Variants in BRCA1 observed in about 807,000 individuals in gnomAD.
The protein encoded by BRCA1 is BRCA1 DNA repair associated.
A neutral mutation model predicts 173.7 loss-of-function variants in BRCA1; 140 were observed. The ratio of observed to expected loss-of-function variants is 0.81; its 90% CI spans 0.70 to 0.93. BRCA1 has a LOEUF of 0.93. BRCA1 is among the 40% of genes least tolerant of loss of function. BRCA1 has a pLI of 0.00. For synonymous variants in BRCA1, 662 were observed against 756.0 expected (o/e 0.88, Z 2.04); for missense variants, 1,983 against 2,172.5 (o/e 0.91, Z 1.73).
At chr17:43,168,735 T>C (rs2154581789) in intron 1 of BRCA1, among the ~76,000 whole-genome samples, 1 of 152,360 alleles carries the variant, frequency 6.6e-6, no homozygotes, top group Admixed American at 6.5e-5. Flanking sequence ...CTTTTTGTAA[T>C]TAGACAATAT....
At chr17:43,102,156 C>T (rs1254340147) in intron 6 of BRCA1, among the ~76,000 whole-genome samples, 1 of 151,206 alleles carries the variant, frequency 6.6e-6, no homozygotes, top group Non-Finnish European at 1.5e-5. Context: ...CTGCAAGCTC[C>T]ACCTCCCGGG....
chr17:43,120,347 G>C (rs1342286401), intron 2 of BRCA1, among the ~76,000 whole-genome samples: 2 of 152,202 alleles, frequency 1.3e-5, no homozygotes, highest in African/African-American at 4.8e-5. Flanking sequence ...TTCCAGTCAT[G>C]ATCATTCCTG....
At chr17:43,098,573 A>G (rs1318372334) in intron 7 of BRCA1, among the ~76,000 whole-genome samples, 2 of 149,898 alleles carry the variant, frequency 1.3e-5, no homozygotes, top group African/African-American at 4.9e-5. Context: ...TCACCAGGTT[A>G]TCCAGGCTGG....
At position 43,093,554 on chromosome 17, in the gene BRCA1, T is replaced by C. The variant is rs764009120; in HGVS notation, c.1977A>G (p.Pro659=). 6.2e-7 allele frequency: 1 copy of C among 1,614,056 alleles called. No individual in the cohort carries two copies. The highest frequency in any genetic ancestry group is 8.5e-7 in the Non-Finnish European group (1 of 1,180,012). Residue 659 remains proline, a synonymous_variant, in exon 10 of 23, where the codon CCA becomes CCG. Coordinates refer to ENST00000357654, the MANE Select transcript of BRCA1 (RefSeq NM_007294.4). ...EIKKKKYNQM[P]VRHSRNLQLM... Reference sequence around the variant, plus strand: ...GTTGTAGGTTTCTGCTGTGCCTGACTGGCATTTGGTTGTACTTTTTTTTCT... The same window carrying C: ...GTTGTAGGTTTCTGCTGTGCCTGACCGGCATTTGGTTGTACTTTTTTTTCT...
chr17:43,074,751 C>T (rs1313274857), intron 13 of BRCA1, among the ~76,000 whole-genome samples: 1 of 152,006 alleles, frequency 6.6e-6, no homozygotes, highest in African/African-American at 2.4e-5. Flanking sequence ...CCATATCTCC[C>T]AGCTGTTTAA....
At chr17:43,100,569 TATAACATATATATA>T (rs2054350882) in intron 6 of BRCA1, among the ~76,000 whole-genome samples, 2 of 99,520 alleles carry the variant, frequency 2.0e-5, no homozygotes, top group African/African-American at 7.8e-5. Context: ...TATATATATA[TATAACATATATATA>T]ACATATATAT....
rs189623275 is a variant in BRCA1, at chr17:43,138,281, G to A, written c.-19-14166C>T. On this transcript the variant is annotated intron_variant, in intron 1 of 7. Coordinates refer to the BRCA1 transcript ENST00000634433. The stretch of plus-strand genomic sequence containing the variant: ...TCTCTGGCAGCCTTTTTCAATGAGA[G>A]CTATGTTTTCTCCGATACTATATGG... 6.5e-4 allele frequency: 155 copies of A among 237,656 alleles called. No individual in the cohort carries two copies. In the Middle Eastern group the frequency reaches 7.7e-3, roughly 12 times the overall value. 14.7% of individuals were successfully genotyped at this position (237,656 alleles called of 1,614,324 possible).
intron 12 of BRCA1, among the ~76,000 whole-genome samples, chr17:43,078,229 GC>G (rs1192089253): frequency 6.6e-6 from 1 of 151,992 alleles, no homozygotes; most frequent in African/African-American, 2.4e-5. Context: ...GATTATAGGT[GC>G]CCACCACCAC....
At chr17:43,127,037 G>A (rs36221749), upstream of BRCA1, among the ~76,000 whole-genome samples, 342 of 152,252 alleles carry the variant, frequency 2.2e-3, no homozygotes, top group Middle Eastern at 0.014. Context: ...AATTCTCACC[G>A]GGCCCCAGCC....
At chr17:43,139,359 T>G (rs2056056669) in intron 1 of BRCA1, among the ~76,000 whole-genome samples, 1 of 151,612 alleles carries the variant, frequency 6.6e-6, no homozygotes, top group African/African-American at 2.4e-5. Flanking sequence ...TAATACCCGA[T>G]AGTTTTTTTC....
At position 43,158,438 on chromosome 17, in the gene BRCA1, T is replaced by C. The variant is rs141654885; in HGVS notation, c.-20+11688A>G. Among the ~76,000 whole-genome samples the C allele has an allele frequency of 1.1e-4, 16 of 152,350 alleles. 1 individual carries two copies. The East Asian group carries it at 3.1e-3, about 29-fold the overall frequency. ...AGAGGATGGTTATTTATAAATCTTGTATCTCTCTGAAAACACAACTTGCAT... is the reference window on the plus strand; with the variant it reads ...AGAGGATGGTTATTTATAAATCTTGCATCTCTCTGAAAACACAACTTGCAT... On this transcript the variant is annotated intron_variant, in intron 1 of 7. Coordinates refer to the BRCA1 transcript ENST00000634433.
rs786203145 is a variant in BRCA1 at position 43,094,345 on chromosome 17, C to T, written c.1186G>A (p.Asp396Asn). ...FSRSDELLGSDDSHDGESESN... is the reference protein window; with the variant it reads ...FSRSDELLGSNDSHDGESESN... The stretch of plus-strand genomic sequence containing the variant: ...TCAGACTCCCCATCATGTGAGTCAT[C>T]AGAACCTAACAGTTCATCACTTCTG... The change falls in exon 10 of 23, where the codon GAT becomes AAT. Residue 396 changes from aspartate to asparagine, a missense_variant. Asp to Asn is a conservative substitution (Grantham distance 23). Transcript: ENST00000357654. The T allele has an allele frequency of 3.1e-6, 5 of 1,614,146 alleles. No homozygotes were observed. The highest frequency in any genetic ancestry group is 4.2e-6 in the Non-Finnish European group (5 of 1,180,004).
At chr17:43,116,866 C>T (rs2055320860) in intron 2 of BRCA1, among the ~76,000 whole-genome samples, 1 of 152,170 alleles carries the variant, frequency 6.6e-6, no homozygotes, top group East Asian at 1.9e-4. Context: ...TCTCCCTTGT[C>T]ATTTATTTTT....
At chr17:43,100,223 T>C (rs960972887) in intron 6 of BRCA1, among the ~76,000 whole-genome samples, 1 of 152,066 alleles carries the variant, frequency 6.6e-6, no homozygotes. Context: ...AATTTTTTTT[T>C]CTGTTGTCTT....
chr17:43,071,272 C>T (rs369549959), intron 14 of BRCA1, 34 bp from the exon 15 acceptor site: 28 of 1,599,444 alleles, frequency 1.8e-5, no homozygotes, highest in East Asian at 2.2e-5. Flanking sequence ...ATTTACACAA[C>T]GATGAATGTT....
chr17:43,125,617 G>T (rs1387876080), upstream of BRCA1: 2 of 294,600 alleles, frequency 6.8e-6, no homozygotes, highest in East Asian at 1.8e-4. Flanking sequence ...GCCATAAAGT[G>T]CCTGCCCTCT....
chr17:43,080,584 T>C (rs1179812006), intron 12 of BRCA1, among the ~76,000 whole-genome samples: 1 of 151,958 alleles, frequency 6.6e-6, no homozygotes, highest in African/African-American at 2.4e-5. Context: ...GTGAGAGGAC[T>C]GCTTGAGTCC....
At chr17:43,089,394 A>G (rs1455349350) in intron 11 of BRCA1, among the ~76,000 whole-genome samples, 3 of 152,170 alleles carry the variant, frequency 2.0e-5, no homozygotes, top group Admixed American at 2.0e-4. Context: ...GTTGTGATAC[A>G]GAATGTTTTT....
At chr17:43,084,952 T>C (rs916665039) in intron 11 of BRCA1, among the ~76,000 whole-genome samples, 1 of 152,202 alleles carries the variant, frequency 6.6e-6, no homozygotes, top group African/African-American at 2.4e-5. Context: ...GGGGTAATTA[T>C]TAATAGATAA....
Sources: gnomAD v4.1 joint callset for allele counts (sites outside exome capture counted in the v4.1 genomes callset) on GRCh38, gnomAD v4.1.1 for gene constraint, MANE v1.5 for transcripts, NCBI Gene and HGNC (gene_info 2026-07-23, HGNC 2026-07-21) for gene names.